THUMPD2: variants seen among roughly 807,000 people sequenced by gnomAD.
The protein encoded by THUMPD2 is U6 snRNA (guanine-N(2))-methyltransferase THUMPD2.
A neutral mutation model predicts 49.4 loss-of-function variants in THUMPD2; 56 were observed. The ratio of observed to expected loss-of-function variants is 1.13; its 90% CI spans 0.91 to 1.41. The LOEUF is 1.41. THUMPD2 is among the 40% of genes most tolerant of loss of function. The pLI is 0.00. For missense variants in THUMPD2, 709 were observed against 594.5 expected (o/e 1.19, Z -2.00); for synonymous variants, 237 against 205.2 (o/e 1.15, Z -1.32).
intron 9 of THUMPD2, among the ~76,000 whole-genome samples, chr2:39,738,289 A>C (rs1177707046): frequency 6.6e-6 from 1 of 152,198 alleles, no homozygotes; most frequent in Non-Finnish European, 1.5e-5. Context: ...TAGGGCCGGC[A>C]TGGTGGCTCA....
intron 8 of THUMPD2, among the ~76,000 whole-genome samples, chr2:39,749,060 G>A (rs1369711138): frequency 6.6e-6 from 1 of 151,988 alleles, no homozygotes; most frequent in African/African-American, 2.4e-5. Flanking sequence ...CTGTTTGGAG[G>A]TAATTATGAA....
chr2:39,769,191 T>C (rs1282135998), intron 3 of THUMPD2: 1 of 929,210 alleles, frequency 1.1e-6, no homozygotes, highest in Admixed American at 3.5e-5. Flanking sequence ...ACAAAGGACA[T>C]CTGTAGATTT....
At chr2:39,740,823 T>C (rs1673794167) in intron 9 of THUMPD2, among the ~76,000 whole-genome samples, 1 of 152,048 alleles carries the variant, frequency 6.6e-6, no homozygotes, top group Non-Finnish European at 1.5e-5. Context: ...CCTCCTACTT[T>C]AGCCTTCCAA....
At chr2:39,778,489 C>T (rs937366078) in intron 1 of THUMPD2, among the ~76,000 whole-genome samples, 35 of 152,310 alleles carry the variant, frequency 2.3e-4, no homozygotes, top group African/African-American at 8.4e-4. Flanking sequence ...CATCAAGATA[C>T]CTTTTCTATT....
intron 1 of THUMPD2, 112 bp downstream of exon 1, chr2:39,779,002 C>G: frequency 7.7e-7 from 1 of 1,294,478 alleles, no homozygotes; most frequent in Non-Finnish European, 9.9e-7. Flanking sequence ...GCGACCGTCG[C>G]GTGGAACAGA....
intron 9 of THUMPD2, among the ~76,000 whole-genome samples, chr2:39,743,883 A>G (rs1221631891): frequency 6.6e-6 from 1 of 152,214 alleles, no homozygotes; most frequent in East Asian, 1.9e-4. Flanking sequence ...AAAGACAACA[A>G]TAAATAATAA....
intron 9 of THUMPD2, among the ~76,000 whole-genome samples, chr2:39,742,525 TGACTTGTA>T (rs1674024806): frequency 6.6e-6 from 1 of 152,200 alleles, no homozygotes; most frequent in Non-Finnish European, 1.5e-5. Context: ...TGCCCTCCAC[TGACTTGTA>T]GAGGTGCTAT....
intron 9 of THUMPD2, among the ~76,000 whole-genome samples, chr2:39,740,713 T>C (rs1001364424): frequency 2.0e-5 from 3 of 151,594 alleles, no homozygotes; most frequent in East Asian, 3.8e-4. Context: ...CATATACACA[T>C]AATTTCTTTT....
intron 5 of THUMPD2, among the ~76,000 whole-genome samples, chr2:39,765,835 T>TA (rs1419585652): frequency 6.6e-6 from 1 of 152,192 alleles, no homozygotes; most frequent in Non-Finnish European, 1.5e-5. Context: ...ATGTAATCAG[T>TA]AGATTACCAT....
intron 3 of THUMPD2, chr2:39,768,948 T>C (rs1677916463): frequency 1.5e-6 from 2 of 1,304,296 alleles, no homozygotes; most frequent in Middle Eastern, 2.1e-4. Flanking sequence ...TTCAGACCAA[T>C]GGCCTTTAAC....
intron 9 of THUMPD2, among the ~76,000 whole-genome samples, chr2:39,739,301 C>T (rs1219511624): frequency 1.3e-5 from 2 of 152,156 alleles, no homozygotes; most frequent in Non-Finnish European, 2.9e-5. Context: ...TACTGACCTT[C>T]CTTCAGCTGC....
chr2:39,740,486 A>T (rs1456263095), intron 9 of THUMPD2, among the ~76,000 whole-genome samples: 1 of 152,208 alleles, frequency 6.6e-6, no homozygotes, highest in African/African-American at 2.4e-5. Context: ...GTCACCATTT[A>T]TTGTAATTTT....
intron 4 of THUMPD2, among the ~76,000 whole-genome samples, chr2:39,767,701 CAAT>C (rs1259699387): frequency 1.4e-5 from 2 of 143,114 alleles, no homozygotes; most frequent in African/African-American, 5.3e-5. Context: ...GTATGACAAA[CAAT>C]AAAAAATATA....
At chr2:39,768,560 G>T in intron 3 of THUMPD2, 59 bp from the exon 4 acceptor site, 1 of 1,401,094 alleles carries the variant, frequency 7.1e-7, no homozygotes, top group Non-Finnish European at 1.0e-6. Flanking sequence ...AAGTTTAAAT[G>T]TCAGCAAAAC....
At chr2:39,771,354 T>C in intron 2 of THUMPD2, 151 bp downstream of exon 2, 1 of 846,504 alleles carries the variant, frequency 1.2e-6, no homozygotes, top group Non-Finnish European at 1.8e-6. Context: ...CAGGTGATAA[T>C]ATTCAGGAAA....
chr2:39,745,223 T>C (rs1422958234), intron 8 of THUMPD2, among the ~76,000 whole-genome samples: 2 of 152,190 alleles, frequency 1.3e-5, no homozygotes, highest in African/African-American at 2.4e-5. Flanking sequence ...GAATAGTACC[T>C]AATTTTGCAG....
intron 7 of THUMPD2, 101 bp from the exon 8 acceptor site, chr2:39,755,510 T>A: frequency 3.9e-6 from 3 of 768,326 alleles, no homozygotes; most frequent in Non-Finnish European, 2.0e-6. Flanking sequence ...GTGAAATTAG[T>A]AGATTTTAAA....
intron 9 of THUMPD2, among the ~76,000 whole-genome samples, chr2:39,737,975 A>T (rs989572669): frequency 6.6e-6 from 1 of 152,194 alleles, no homozygotes; most frequent in Non-Finnish European, 1.5e-5. Context: ...TAAGGAACAC[A>T]TAAGTGCGGA....
intron 3 of THUMPD2, chr2:39,769,338 G>A (rs753612142): frequency 3.9e-5 from 9 of 232,388 alleles, no homozygotes; most frequent in South Asian, 2.8e-4. Flanking sequence ...AATTGTCTGC[G>A]GCTAGTTATT....
Sources: allele counts gnomAD v4.1 joint callset (sites outside exome capture counted in the v4.1 genomes callset), GRCh38; gene constraint gnomAD v4.1.1; transcripts MANE v1.5; gene names NCBI Gene and HGNC (gene_info 2026-07-23, HGNC 2026-07-21).